B3GALT1: variants seen among roughly 807,000 people sequenced by gnomAD.
B3GALT1 encodes beta-1,3-galactosyltransferase 1.
Under a neutral mutation model 23.2 loss-of-function variants are expected in B3GALT1, and 10 were observed. The observed-to-expected ratio is 0.43, with a 90% CI of 0.27 to 0.73. The LOEUF is 0.73. B3GALT1 is among the 30% of genes least tolerant of loss of function. The pLI, the probability that B3GALT1 is intolerant of heterozygous loss-of-function variation, is 0.21. For missense variants in B3GALT1, 299 were observed against 405.4 expected, an observed-to-expected ratio of 0.74 and a Z score of 2.25; for synonymous variants, 156 against 141.5, an observed-to-expected ratio of 1.10 and a Z score of -0.73.
intron 3 of B3GALT1, among the ~76,000 whole-genome samples, chr2:167,777,963 T>A (rs1014861831): frequency 6.6e-6 from 1 of 151,980 alleles, no homozygotes; most frequent in African/African-American, 2.4e-5. Context: ...AGGCCAGAGA[T>A]GCTGCTAAAC....
chr2:167,665,811 C>T (rs1323340107), intron 3 of B3GALT1, among the ~76,000 whole-genome samples: 1 of 152,020 alleles, frequency 6.6e-6, no homozygotes, highest in Non-Finnish European at 1.5e-5. Context: ...GTGGTGATAT[C>T]CTCTTTATCA....
rs1206552875 is a variant in B3GALT1, at chr2:167,836,915, T to C, written c.-230+18122T>C. On this transcript the variant is annotated intron_variant, in intron 4 of 4. Transcript: ENST00000392690. ...AGAATTTTCAACCCAGAATTTCATA[T>C]CCAGCCAAACTAAGCTTCATAAGTG... 5.9e-5 allele frequency among the ~76,000 whole-genome samples: 9 copies of C among 152,088 alleles called. No homozygotes were observed. In the South Asian group the frequency reaches 6.2e-4, roughly 11 times the overall value.
chr2:167,747,840 T>C (rs944759857), intron 3 of B3GALT1, among the ~76,000 whole-genome samples: 1 of 152,170 alleles, frequency 6.6e-6, no homozygotes, highest in Non-Finnish European at 1.5e-5. Context: ...ATTTGCAAAA[T>C]TTCAAAACAA....
chr2:167,411,610 G>C (rs1272870779), intron 1 of B3GALT1, among the ~76,000 whole-genome samples: 1 of 152,164 alleles, frequency 6.6e-6, no homozygotes, highest in African/African-American at 2.4e-5. Flanking sequence ...CTCATACACT[G>C]TTGGTGGGAA....
chr2:167,693,564 C>G (rs1422096476), intron 3 of B3GALT1, among the ~76,000 whole-genome samples: 2 of 152,110 alleles, frequency 1.3e-5, no homozygotes, highest in Non-Finnish European at 2.9e-5. Context: ...AAGAAATTCT[C>G]AGAGTGATGC....
intron 1 of B3GALT1, among the ~76,000 whole-genome samples, chr2:167,346,648 G>A (rs190687000): frequency 1.3e-5 from 2 of 152,120 alleles, no homozygotes; most frequent in South Asian, 2.1e-4. Flanking sequence ...GTTGGATTCA[G>A]TATCTTGAGG....
At chr2:167,439,854 A>G (rs556115521) in intron 1 of B3GALT1, among the ~76,000 whole-genome samples, 50 of 151,812 alleles carry the variant, frequency 3.3e-4, no homozygotes, top group African/African-American at 1.1e-3. Flanking sequence ...TTCAGCCTCA[A>G]TGTGTTAAAC....
intron 1 of B3GALT1, among the ~76,000 whole-genome samples, chr2:167,472,902 G>A (rs4667535): frequency 0.8 from 122,245 of 151,996 alleles, 50,535 homozygotes; most frequent in East Asian, 0.91. Flanking sequence ...TGTGGGAGAA[G>A]TCTAAACGTC....
chr2:167,399,255 T>C (rs997180661), intron 1 of B3GALT1, among the ~76,000 whole-genome samples: 1 of 152,118 alleles, frequency 6.6e-6, no homozygotes, highest in African/African-American at 2.4e-5. Context: ...CTAGAAAACA[T>C]CTTCAAAACA....
chr2:167,534,803 C>G (rs189837315), intron 2 of B3GALT1, among the ~76,000 whole-genome samples: 5 of 152,136 alleles, frequency 3.3e-5, no homozygotes, highest in African/African-American at 1.2e-4. Context: ...TTGTTAGTAC[C>G]ACTGTTCTTA....
intron 2 of B3GALT1, among the ~76,000 whole-genome samples, chr2:167,635,247 T>C (rs933023614): frequency 6.6e-6 from 1 of 152,104 alleles, no homozygotes; most frequent in South Asian, 2.1e-4. Context: ...AATATCATAC[T>C]GAATGCGCAA....
At chr2:167,840,828 A>G (rs1287360475) in intron 4 of B3GALT1, among the ~76,000 whole-genome samples, 2 of 145,906 alleles carry the variant, frequency 1.4e-5, no homozygotes, top group African/African-American at 2.6e-5. Context: ...CATATACACC[A>G]TGGAATACTA....
At chr2:167,666,398 G>C (rs1399028120) in intron 3 of B3GALT1, among the ~76,000 whole-genome samples, 2 of 152,060 alleles carry the variant, frequency 1.3e-5, no homozygotes, top group African/African-American at 4.8e-5. Flanking sequence ...AATAGGTGTG[G>C]TGTGGTGCTG....
intron 3 of B3GALT1, among the ~76,000 whole-genome samples, chr2:167,776,735 T>C (rs1266255939): frequency 1.7e-4 from 26 of 152,238 alleles, no homozygotes; most frequent in Non-Finnish European, 4.4e-5. Flanking sequence ...CTTCAGTGTC[T>C]GTTTTTTAAA....
At chr2:167,564,847 A>T (rs1051426199) in intron 2 of B3GALT1, among the ~76,000 whole-genome samples, 6 of 152,236 alleles carry the variant, frequency 3.9e-5, no homozygotes, top group Admixed American at 3.9e-4. Flanking sequence ...CTGCTCAATG[A>T]AATAAAAGAG....
chr2:167,317,504 T>G (rs556491696), intron 1 of B3GALT1, among the ~76,000 whole-genome samples: 3 of 152,240 alleles, frequency 2.0e-5, no homozygotes, highest in East Asian at 1.9e-4. Flanking sequence ...CTGGTGAGCT[T>G]CTTACAGCCA....
At chr2:167,635,260 G>C (rs536208119) in intron 2 of B3GALT1, among the ~76,000 whole-genome samples, 3 of 152,060 alleles carry the variant, frequency 2.0e-5, no homozygotes, top group Non-Finnish European at 4.4e-5. Context: ...ATGCGCAAAA[G>C]CTGGAAGCAT....
At chr2:167,311,880 G>T (rs1208389554) in intron 1 of B3GALT1, among the ~76,000 whole-genome samples, 1 of 151,868 alleles carries the variant, frequency 6.6e-6, no homozygotes, top group African/African-American at 2.4e-5. Context: ...GCATTTAATT[G>T]TAGTTCCAGA....
chr2:167,687,705 A>G (rs1323355889), intron 3 of B3GALT1, among the ~76,000 whole-genome samples: 1 of 152,180 alleles, frequency 6.6e-6, no homozygotes, highest in South Asian at 2.1e-4. Context: ...TCAAAAAAAG[A>G]ATCTAGAAGT....
Sources: gnomAD v4.1 joint callset for allele counts (sites outside exome capture counted in the v4.1 genomes callset) on GRCh38, gnomAD v4.1.1 for gene constraint, MANE v1.5 for transcripts, NCBI Gene and HGNC (gene_info 2026-07-23, HGNC 2026-07-21) for gene names.